Variants in GALNT5 observed in about 807,000 individuals in gnomAD.
GALNT5 encodes UDP-GalNAc:polypeptide N-acetylgalactosaminyltransferase 5.
A neutral mutation model predicts 85.4 loss-of-function variants in GALNT5; 72 were observed. That is an observed-to-expected ratio of 0.84 (90% confidence interval 0.70 to 1.03). The LOEUF is 1.03. Ranked by LOEUF, GALNT5 falls within the 50% of genes least tolerant of loss-of-function variation. The pLI, the probability that GALNT5 is intolerant of heterozygous loss-of-function variation, is 0.00. For synonymous variants in GALNT5, 404 were observed against 397.0 expected (o/e 1.02, Z -0.21); for missense variants, 1,137 against 1,135.5 (o/e 1.00, Z -0.02).
Position 157,262,796 on chromosome 2 carries a change from T to C in GALNT5, c.1454+3260T>C, listed in dbSNP as rs1253671530. ...GAGTCCCAAAGGACCATTGCTAAAA[T>C]GTTAAGATTCAATTTCACAACTCTT... is the stretch of plus-strand genomic sequence containing the variant. On this transcript the variant is annotated intron_variant, in intron 1 of 9. Coordinates refer to ENST00000259056, the MANE Select transcript of GALNT5 (RefSeq NM_014568.3). 3.3e-5 allele frequency among the ~76,000 whole-genome samples: 5 copies of C among 150,528 alleles called. 1 individual carries two copies. Among genetic ancestry groups the C allele is most frequent in the Admixed American group, 1.3e-4 (2 of 15,150 alleles).
At position 157,300,873 on chromosome 2, in the gene GALNT5, G is replaced by C; in HGVS notation, c.2313G>C (p.Gly771=). The part of the protein sequence containing the change: ...YGHGDHLIDQ[G]LDVGNLTQQR... ...ACGGAGACCACCTCATCGACCAAGG[G>C]CTAGATGTTGGCAACCTCACCCAGC... Residue 771 remains glycine (G), a synonymous_variant, in exon 7 of 10, where the codon GGG becomes GGC. Coordinates refer to ENST00000259056, the MANE Select transcript of GALNT5 (RefSeq NM_014568.3). 6.2e-7 allele frequency: 1 copy of C among 1,614,028 alleles called. No individual in the cohort carries two copies. The highest frequency in any genetic ancestry group is 8.5e-7 in the Non-Finnish European group (1 of 1,179,942).
intron 1 of GALNT5, among the ~76,000 whole-genome samples, chr2:157,267,480 A>G (rs1401073345): frequency 6.6e-6 from 1 of 152,230 alleles, no homozygotes; most frequent in Non-Finnish European, 1.5e-5. Flanking sequence ...TGAAGATTTG[A>G]AAGTTTTCTA....
At chr2:157,280,761 G>A (rs893055099) in intron 1 of GALNT5, among the ~76,000 whole-genome samples, 3 of 152,126 alleles carry the variant, frequency 2.0e-5, no homozygotes, top group East Asian at 1.9e-4. Flanking sequence ...ACTGGATCAC[G>A]GAGGCAGATC....
chr2:157,261,927 G>A (rs1407688261), intron 1 of GALNT5, among the ~76,000 whole-genome samples: 1 of 151,922 alleles, frequency 6.6e-6, no homozygotes, highest in Non-Finnish European at 1.5e-5. Context: ...AAGATAATAA[G>A]TTTTCGAAGT....
chr2:157,304,742 G>C (rs754791955), intron 7 of GALNT5, among the ~76,000 whole-genome samples: 7 of 152,102 alleles, frequency 4.6e-5, no homozygotes, highest in South Asian at 2.1e-4. Context: ...CGCATATTCT[G>C]ATCCCTGAAG....
intron 7 of GALNT5, chr2:157,301,421 C>A: frequency 4.8e-6 from 1 of 210,352 alleles, no homozygotes; most frequent in Non-Finnish European, 9.7e-6. Context: ...GCTGAGAAAT[C>A]CTCTCTGAGA....
At chr2:157,305,077 A>G (rs940636494) in intron 7 of GALNT5, among the ~76,000 whole-genome samples, 3 of 152,158 alleles carry the variant, frequency 2.0e-5, no homozygotes, top group African/African-American at 7.2e-5. Flanking sequence ...CAGGATGTCA[A>G]AGGGGGAAAG....
At chr2:157,275,413 C>A (rs916772747) in intron 1 of GALNT5, among the ~76,000 whole-genome samples, 4 of 152,288 alleles carry the variant, frequency 2.6e-5, no homozygotes, top group Admixed American at 2.6e-4. Flanking sequence ...CTATAAATTA[C>A]TATGGGCAGT....
rs1308908478 is a variant in GALNT5, at chr2:157,318,444, C to T, written c.*7096C>T. On this transcript the variant is annotated 3_prime_UTR_variant, in exon 10 of 10. Transcript: ENST00000259056. ...GAAATCCTTTTTACAATTTTATATA[C>T]AATCATTTTAAGACCTTTTTGAAAT... Among the ~76,000 whole-genome samples the T allele has an allele frequency of 6.6e-6, 1 of 152,070 alleles. No homozygotes were observed. The highest frequency in any genetic ancestry group is 1.5e-5 in the Non-Finnish European group (1 of 67,982).
intron 1 of GALNT5, among the ~76,000 whole-genome samples, chr2:157,279,381 T>A (rs1682808637): frequency 6.6e-6 from 1 of 152,240 alleles, no homozygotes; most frequent in Non-Finnish European, 1.5e-5. Flanking sequence ...GACATTTAAA[T>A]CTGCAGAAGT....
At chr2:157,284,979 C>T (rs1423596732) in intron 2 of GALNT5, among the ~76,000 whole-genome samples, 4 of 152,200 alleles carry the variant, frequency 2.6e-5, no homozygotes, top group African/African-American at 9.7e-5. Flanking sequence ...TCCACCATAG[C>T]CTTTATGTTC....
chr2:157,285,930 G>C, intron 2 of GALNT5, 85 bp from the exon 3 acceptor site: 1 of 850,688 alleles, frequency 1.2e-6, no homozygotes, highest in Non-Finnish European at 1.9e-6. Context: ...CATAGTTTTT[G>C]GCATTTGACT....
Position 157,300,719 on chromosome 2 carries a change from G to T in GALNT5, c.2159G>T (p.Arg720Leu). Residue 720 changes from arginine to leucine, a missense_variant, in exon 7 of 10, where the codon CGA becomes CTA. By Grantham distance (102) the Arg-to-Leu change is moderately radical. Transcript: ENST00000259056. Reference protein sequence around the residue: ...GGEIEIIPCSRVGHIFRNDNP... With the variant: ...GGEIEIIPCSLVGHIFRNDNP... ...GAAATTGAGATCATTCCCTGCTCCCGAGTGGGCCATATATTCAGAAATGAC... is the reference window on the plus strand; with the variant it reads ...GAAATTGAGATCATTCCCTGCTCCCTAGTGGGCCATATATTCAGAAATGAC... 1.2e-6 allele frequency: 2 copies of T among 1,613,842 alleles called. No homozygotes were observed. The highest frequency in any genetic ancestry group is 1.7e-6 in the Non-Finnish European group (2 of 1,179,816).
intron 3 of GALNT5, among the ~76,000 whole-genome samples, chr2:157,288,153 G>A (rs747588785): frequency 3.3e-5 from 5 of 152,142 alleles, no homozygotes; most frequent in African/African-American, 4.8e-5. Flanking sequence ...TGTTCTGATG[G>A]GAAGTTTTCT....
rs1290887292 is a variant in GALNT5 at position 157,259,307 on chromosome 2, CAT to C, written c.1229_1230del (p.Ile410LysfsTer6). On this transcript the variant is annotated frameshift_variant, in exon 1 of 10. Coordinates refer to ENST00000259056, the MANE Select transcript of GALNT5 (RefSeq NM_014568.3). LOFTEE classifies it high-confidence loss of function. ...KAPSTEYNQSHIKALLPEDSG... is the reference protein window; with the variant it reads ...KAPSTEYNQSXIKALLPEDSG... ...CCCCTCTACAGAATACAACCAGAGT[CAT>C]ATAAAAGCCCTTTTACCTGAAGACA... 1.3e-6 allele frequency: 2 copies of C among 1,598,060 alleles called. No homozygotes were observed. The highest frequency in any genetic ancestry group is 2.7e-5 in the African/African-American group (2 of 74,168).
intron 1 of GALNT5, among the ~76,000 whole-genome samples, chr2:157,275,025 A>G (rs543171335): frequency 6.6e-6 from 1 of 152,290 alleles, no homozygotes; most frequent in African/African-American, 2.4e-5. Flanking sequence ...TAAGGAAGGG[A>G]TCCAGTTTCA....
At chr2:157,301,027 T>C in intron 7 of GALNT5, 28 bp downstream of exon 7, 2 of 1,516,310 alleles carry the variant, frequency 1.3e-6, no homozygotes, top group South Asian at 1.2e-5. Flanking sequence ...TTTAAAATCT[T>C]ACTCCATAAA....
chr2:157,315,691 C>T lies in GALNT5; in HGVS notation c.*4343C>T, dbSNP rs932569661. Among the ~76,000 whole-genome samples the T allele has an allele frequency of 6.6e-6, 1 of 152,110 alleles. No individual in the cohort carries two copies. Among genetic ancestry groups the T allele is most frequent in the Non-Finnish European group, 1.5e-5 (1 of 68,024 alleles). On this transcript the variant is annotated 3_prime_UTR_variant, in exon 10 of 10. Coordinates refer to ENST00000259056, the MANE Select transcript of GALNT5 (RefSeq NM_014568.3). ...TGCAGAACCTATTCTTTTTCATCTC[C>T]TGGACCAAATGTGAAAGAAAGAAGT...
chr2:157,308,718 A>T lies in GALNT5; in HGVS notation c.2672A>T (p.His891Leu). ...KWLHKSTSVF[H>L]PELVNHIVFE... ...CTGCATAAATCAACATCAGTCTTTC[A>T]TCCAGAACTGGTAAGCAAAAGATTG... is the stretch of plus-strand genomic sequence containing the variant. The change falls in exon 9 of 10, where the codon CAT becomes CTT. Residue 891 changes from histidine (H) to leucine (L), a missense_variant. Physicochemically the swap from His to Leu is moderately conservative, Grantham distance 99. Coordinates refer to ENST00000259056, the MANE Select transcript of GALNT5 (RefSeq NM_014568.3). 6.2e-7 allele frequency: 1 copy of T among 1,610,762 alleles called. No homozygotes were observed. Among genetic ancestry groups the T allele is most frequent in the Non-Finnish European group, 8.5e-7 (1 of 1,178,974 alleles).
Sources: allele counts gnomAD v4.1 joint callset (sites outside exome capture counted in the v4.1 genomes callset), GRCh38; gene constraint gnomAD v4.1.1; transcripts MANE v1.5; gene names NCBI Gene and HGNC (gene_info 2026-07-23, HGNC 2026-07-21).